The following TAB2 variants were observed in gnomAD, a reference collection of about 807,000 sequenced individuals.
TAB2 encodes the protein TGF-beta activated kinase 1 (MAP3K7) binding protein 2.
TAB2 carries 3 observed loss-of-function variants against 65.0 expected under a neutral mutation model. The ratio of observed to expected loss-of-function variants is 0.05; its 90% confidence interval spans 0.02 to 0.12. The LOEUF is 0.12. Among genes scored for constraint, TAB2 ranks in the 10% least tolerant of loss-of-function variants. TAB2 has a pLI of 1.00. For synonymous variants in TAB2, 298 were observed against 285.1 expected (o/e 1.05, Z -0.46); for missense variants, 623 against 840.3 (o/e 0.74, Z 3.20).
intron 1 of TAB2, among the ~76,000 whole-genome samples, chr6:149,275,300 G>GAAAA (rs1223068467): frequency 0.054 from 6,873 of 127,956 alleles, 806 homozygotes; most frequent in African/African-American, 0.073. Flanking sequence ...AAGAAAGAAA[G>GAAAA]AGAAAAAAGA....
intron 1 of TAB2, among the ~76,000 whole-genome samples, chr6:149,348,697 C>T (rs1012748241): frequency 2.0e-5 from 3 of 151,892 alleles, no homozygotes; most frequent in African/African-American, 7.3e-5. Context: ...GGCGCAGTGG[C>T]TCATGCTTGT....
upstream of TAB2, among the ~76,000 whole-genome samples, chr6:149,218,442 G>A (rs1416505150): frequency 6.6e-6 from 1 of 152,214 alleles, no homozygotes; most frequent in Non-Finnish European, 1.5e-5. Context: ...AAAAGAAGAT[G>A]AAAGAACAAG....
intron 1 of TAB2, among the ~76,000 whole-genome samples, chr6:149,239,211 C>T (rs575288728): frequency 1.3e-5 from 2 of 152,354 alleles, no homozygotes; most frequent in African/African-American, 2.4e-5. Context: ...CTGTTATCAA[C>T]ACAATTGTCA....
At chr6:149,288,115 A>G (rs1345572449) in intron 1 of TAB2, among the ~76,000 whole-genome samples, 1 of 152,206 alleles carries the variant, frequency 6.6e-6, no homozygotes, top group Non-Finnish European at 1.5e-5. Flanking sequence ...AAACTACCAT[A>G]TGTGGACTAT....
chr6:149,248,795 G>A (rs1259941687), intron 1 of TAB2, among the ~76,000 whole-genome samples: 2 of 152,096 alleles, frequency 1.3e-5, no homozygotes, highest in African/African-American at 2.4e-5. Flanking sequence ...CCTGCCCTGG[G>A]CCTGTTTTGT....
At chr6:149,326,537 T>C (rs1779623799) in intron 1 of TAB2, among the ~76,000 whole-genome samples, 1 of 129,356 alleles carries the variant, frequency 7.7e-6, no homozygotes, top group Non-Finnish European at 1.6e-5. Flanking sequence ...TTTTCAGCCT[T>C]GTGTTTTTGT....
At chr6:149,348,495 C>T (rs1024746953) in intron 1 of TAB2, among the ~76,000 whole-genome samples, 2 of 151,868 alleles carry the variant, frequency 1.3e-5, no homozygotes, top group African/African-American at 4.8e-5. Flanking sequence ...AAACGTTCTG[C>T]CGTCCTATTT....
intron 1 of TAB2, among the ~76,000 whole-genome samples, chr6:149,300,555 C>T (rs1583072453): frequency 1.3e-5 from 2 of 152,226 alleles, no homozygotes; most frequent in East Asian, 3.8e-4. Context: ...GGATCATTCT[C>T]TTTCCTTCAG....
upstream of TAB2, among the ~76,000 whole-genome samples, chr6:149,316,469 T>C (rs890870314): frequency 6.6e-6 from 1 of 152,238 alleles, no homozygotes; most frequent in African/African-American, 2.4e-5. Flanking sequence ...CTTTAGGATT[T>C]TTCTCTGGAG....
intron 1 of TAB2, among the ~76,000 whole-genome samples, chr6:149,357,431 ACACAC>A (rs1410340862): frequency 4.0e-4 from 22 of 54,412 alleles, no homozygotes; most frequent in Admixed American, 7.8e-4. Context: ...GAAAAAAAAA[ACACAC>A]ACACACACAC....
At chr6:149,336,253 A>T (rs1779931821) in intron 1 of TAB2, among the ~76,000 whole-genome samples, 2 of 152,206 alleles carry the variant, frequency 1.3e-5, no homozygotes, top group South Asian at 4.1e-4. Context: ...GCTGCCTAGT[A>T]AATAAGCTTC....
At chr6:149,275,957 C>T (rs1360462365) in intron 1 of TAB2, among the ~76,000 whole-genome samples, 1 of 152,062 alleles carries the variant, frequency 6.6e-6, no homozygotes, top group African/African-American at 2.4e-5. Context: ...ATGTGGTATC[C>T]TGGGTAGGAT....
At chr6:149,365,209 C>T (rs1281539457) in intron 1 of TAB2, among the ~76,000 whole-genome samples, 1 of 152,054 alleles carries the variant, frequency 6.6e-6, no homozygotes, top group South Asian at 2.1e-4. Flanking sequence ...GGAAATGTGT[C>T]TCTGTTTATT....
At chr6:149,354,225 A>G (rs1780582330) in intron 1 of TAB2, among the ~76,000 whole-genome samples, 1 of 152,190 alleles carries the variant, frequency 6.6e-6, no homozygotes, top group Non-Finnish European at 1.5e-5. Flanking sequence ...ATGTTACCAC[A>G]TCAGTTTATT....
At chr6:149,359,267 A>T (rs1447213285) in intron 1 of TAB2, among the ~76,000 whole-genome samples, 1 of 152,194 alleles carries the variant, frequency 6.6e-6, no homozygotes, top group Non-Finnish European at 1.5e-5. Context: ...ATAAGATTCC[A>T]TAGCAGTTTT....
At chr6:149,326,194 C>T (rs946897869) in intron 1 of TAB2, among the ~76,000 whole-genome samples, 6 of 149,952 alleles carry the variant, frequency 4.0e-5, no homozygotes, top group African/African-American at 1.5e-4. Context: ...GCAAAATAGT[C>T]TACAACAGTT....
intron 1 of TAB2, among the ~76,000 whole-genome samples, chr6:149,288,576 A>G (rs1449580557): frequency 6.6e-6 from 1 of 152,204 alleles, no homozygotes; most frequent in Non-Finnish European, 1.5e-5. Flanking sequence ...CTGCAGAAAA[A>G]GTAAGTCCAA....
At position 149,363,792 on chromosome 6, in the gene TAB2, G is replaced by A. The variant is rs144116258; in HGVS notation, c.-89-6117G>A. On this transcript the variant is annotated intron_variant, in intron 1 of 6. Transcript: ENST00000637181. ...TGCAGGTCAGATCTGTCCTTTGAGC[G>A]CTAGACCCATATATCACAACTCCCT... Among the ~76,000 whole-genome samples the A allele has an allele frequency of 5.1e-3, 769 of 152,170 alleles. 8 individuals carry two copies. The highest frequency in any genetic ancestry group is 0.018 in the African/African-American group (741 of 41,518).
chr6:149,410,850 A>G lies in TAB2; in HGVS notation c.*1131A>G, dbSNP rs567213358. 2 of 152,610 alleles carry G rather than the reference A, an allele frequency of 1.3e-5. No individual in the cohort carries two copies. Among genetic ancestry groups the G allele is most frequent in the East Asian group, 3.9e-4 (2 of 5,188 alleles). 9.5% of individuals were successfully genotyped at this position (152,610 alleles called of 1,614,324 possible). ...CAAGCAGTTGTTATTGGGAAAGTAC[A>G]GTCTCAAAACCAGCAACAGCAGCAG... On this transcript the variant is annotated 3_prime_UTR_variant, in exon 7 of 7. Transcript: ENST00000637181.
Sources: allele counts gnomAD v4.1 joint callset (sites outside exome capture counted in the v4.1 genomes callset), GRCh38; gene constraint gnomAD v4.1.1; transcripts MANE v1.5; gene names NCBI Gene and HGNC (gene_info 2026-07-23, HGNC 2026-07-21).